Variants in CD80 observed in about 807,000 individuals in gnomAD.
The protein encoded by CD80 is T-lymphocyte activation antigen CD80.
Under a neutral mutation model 27.1 loss-of-function variants are expected in CD80, and 13 were observed. The ratio of observed to expected loss-of-function variants is 0.48; its 90% CI spans 0.31 to 0.76. The LOEUF is 0.76. Ranked by LOEUF, CD80 falls within the 30% of genes least tolerant of loss-of-function variation. The pLI is 0.04. For synonymous variants in CD80, 125 were observed against 125.5 expected, an observed-to-expected ratio of 1.00 and a Z score of 0.03; for missense variants, 277 against 347.9, an observed-to-expected ratio of 0.80 and a Z score of 1.62.
intron 2 of CD80, among the ~76,000 whole-genome samples, chr3:119,556,193 A>T (rs925589265): frequency 6.6e-6 from 1 of 152,220 alleles, no homozygotes; most frequent in Non-Finnish European, 1.5e-5. Context: ...ACCAGGATGT[A>T]GCTAGAGAAC....
At chr3:119,528,865 C>CA (rs1321492979) in intron 5 of CD80, among the ~76,000 whole-genome samples, 2 of 143,030 alleles carry the variant, frequency 1.4e-5, no homozygotes, top group African/African-American at 5.2e-5. Context: ...GGCGGAGGTG[C>CA]AGTGAGCTGA....
chr3:119,552,904 G>T lies in CD80; in HGVS notation c.100+4725C>A, dbSNP rs79202567. ...AAGAGAAAAGAAATGTCTAGAACAG[G>T]CAAATTCATAGAGACAGAGAGTAAA... On this transcript the variant is annotated intron_variant, in intron 2 of 6. Coordinates refer to ENST00000264246, the MANE Select transcript of CD80 (RefSeq NM_005191.4). Among the ~76,000 whole-genome samples, 482 of 152,082 alleles carry T rather than the reference G, an allele frequency of 3.2e-3. 7 individuals are homozygous for T. The East Asian group carries it at 0.04, about 13-fold the overall frequency.
intron 2 of CD80, among the ~76,000 whole-genome samples, chr3:119,551,239 G>A (rs980595393): frequency 6.6e-6 from 1 of 152,096 alleles, no homozygotes; most frequent in African/African-American, 2.4e-5. Context: ...GAGCAAGCTG[G>A]GTAACCTCTC....
intron 4 of CD80, among the ~76,000 whole-genome samples, 170 bp downstream of exon 4, chr3:119,536,967 T>A (rs1386996539): frequency 2.0e-5 from 3 of 152,230 alleles, no homozygotes; most frequent in African/African-American, 7.2e-5. Context: ...AGCCTAGGTG[T>A]GCAGTAGGCT....
intron 4 of CD80, 64 bp from the exon 5 acceptor site, chr3:119,530,001 G>T: frequency 8.5e-7 from 1 of 1,181,358 alleles, no homozygotes; most frequent in Non-Finnish European, 1.3e-6. Flanking sequence ...CTCATTCTGT[G>T]CCTTTTCTAT....
intron 5 of CD80, among the ~76,000 whole-genome samples, chr3:119,528,775 A>T (rs1263291315): frequency 6.6e-6 from 1 of 151,754 alleles, no homozygotes; most frequent in Non-Finnish European, 1.5e-5. Context: ...TACAAAAAAA[A>T]ATTAGTCAGG....
chr3:119,540,535 C>G (rs1489647482), intron 3 of CD80, among the ~76,000 whole-genome samples: 1 of 152,088 alleles, frequency 6.6e-6, no homozygotes, highest in Non-Finnish European at 1.5e-5. Context: ...TTATTTCCCA[C>G]TTATTAATTT....
chr3:119,552,010 G>A (rs1328238012), intron 2 of CD80, among the ~76,000 whole-genome samples: 4 of 152,226 alleles, frequency 2.6e-5, no homozygotes, highest in Non-Finnish European at 5.9e-5. Context: ...GCCTTCTGGC[G>A]AATGCATGGA....
At chr3:119,534,954 G>A (rs747589290) in intron 4 of CD80, among the ~76,000 whole-genome samples, 1 of 152,186 alleles carries the variant, frequency 6.6e-6, no homozygotes, top group African/African-American at 2.4e-5. Flanking sequence ...CACTTTGGGA[G>A]GCTGAGGCGG....
chr3:119,528,820 G>C (rs1017645098), intron 5 of CD80, among the ~76,000 whole-genome samples: 14 of 133,674 alleles, frequency 1.0e-4, no homozygotes, highest in African/African-American at 3.7e-4. Context: ...CAGCTACTCA[G>C]GAGGCTGAGG....
intron 4 of CD80, 92 bp from the exon 5 acceptor site, chr3:119,530,029 ATTC>A (rs2082101304): frequency 4.5e-6 from 4 of 882,824 alleles, no homozygotes; most frequent in Non-Finnish European, 5.5e-6. Flanking sequence ...ACTGTGGAGT[ATTC>A]TTTGCCTGGT....
At chr3:119,553,113 T>C (rs1011591432) in intron 2 of CD80, among the ~76,000 whole-genome samples, 3 of 113,190 alleles carry the variant, frequency 2.7e-5, no homozygotes, top group African/African-American at 1.7e-4. Context: ...CTTTATTTAT[T>C]TATTTATTTA....
intron 2 of CD80, among the ~76,000 whole-genome samples, chr3:119,556,014 A>G (rs919709087): frequency 2.4e-4 from 36 of 152,042 alleles, no homozygotes; most frequent in Admixed American, 2.2e-3. Context: ...GGCTCCTACA[A>G]TCAGGGCAAA....
intron 3 of CD80, among the ~76,000 whole-genome samples, chr3:119,543,266 C>T (rs1291922496): frequency 1.3e-5 from 2 of 152,210 alleles, no homozygotes; most frequent in African/African-American, 2.4e-5. Context: ...TGGGTGGTTA[C>T]AAAAGCAAGG....
At chr3:119,534,392 AG>A (rs1207066327) in intron 4 of CD80, among the ~76,000 whole-genome samples, 1 of 148,922 alleles carries the variant, frequency 6.7e-6, no homozygotes, top group African/African-American at 2.4e-5. Flanking sequence ...AAAAAGAAAA[AG>A]AAAAAAAAAA....
At chr3:119,534,963 G>A (rs761976192) in intron 4 of CD80, among the ~76,000 whole-genome samples, 1 of 152,052 alleles carries the variant, frequency 6.6e-6, no homozygotes, top group African/African-American at 2.4e-5. Flanking sequence ...AGGCTGAGGC[G>A]GGCAGATCAC....
In CD80 at chr3:119,525,044, C is replaced by A. The variant is rs2082056764; in HGVS notation, c.*744G>T. ...TGAACCAGTTAAGTCTTTGGACTAT[C>A]CCTTTCCTCCTTGACTACTGCTTTG... On this transcript the variant is annotated 3_prime_UTR_variant, in exon 7 of 7. Transcript: ENST00000264246. The A allele has an allele frequency of 6.6e-6, 1 of 152,186 alleles. No individual in the cohort carries two copies. Among genetic ancestry groups the A allele is most frequent in the Non-Finnish European group, 1.5e-5 (1 of 68,034 alleles). The allele number at this position is 152,186 out of a possible 1,614,324, so 9.4% of individuals were successfully genotyped here.
chr3:119,552,741 G>A (rs767467356), intron 2 of CD80, among the ~76,000 whole-genome samples: 1 of 152,032 alleles, frequency 6.6e-6, no homozygotes, highest in African/African-American at 2.4e-5. Context: ...CCGTAAAAGC[G>A]AATGGAGTAC....
chr3:119,529,755 G>A (rs1249203080), intron 5 of CD80, 87 bp downstream of exon 5: 1 of 890,250 alleles, frequency 1.1e-6, no homozygotes, highest in Non-Finnish European at 1.9e-6. Flanking sequence ...AAGCGAATAG[G>A]CTAAAACCTC....
Sources: allele counts gnomAD v4.1 joint callset (sites outside exome capture counted in the v4.1 genomes callset), GRCh38; gene constraint gnomAD v4.1.1; transcripts MANE v1.5; gene names NCBI Gene and HGNC (gene_info 2026-07-23, HGNC 2026-07-21).